Variants in RP1 observed in about 807,000 individuals in gnomAD.
RP1 encodes the protein oxygen-regulated protein 1.
RP1 carries 16 observed loss-of-function variants against 14.8 expected under a neutral mutation model. The ratio of observed to expected loss-of-function variants is 1.08; its 90% confidence interval spans 0.73 to 1.65. RP1 has a LOEUF of 1.65. Among genes scored for constraint, RP1 ranks in the 40% most tolerant of loss-of-function variants. The pLI, the probability that RP1 is intolerant of heterozygous loss-of-function variation, is 0.00. For missense variants in RP1, 2,631 were observed against 2,535.0 expected (o/e 1.04, Z -0.81); for synonymous variants, 876 against 883.6 (o/e 0.99, Z 0.15).
At chr8:54,750,908 G>A (rs1236300944) in intron 19 of RP1, among the ~76,000 whole-genome samples, 1 of 152,232 alleles carries the variant, frequency 6.6e-6, no homozygotes, top group Non-Finnish European at 1.5e-5. Context: ...AATGGAGCAT[G>A]GGAGGGGAAA....
At chr8:54,840,194 G>T (rs759713886) in intron 25 of RP1, among the ~76,000 whole-genome samples, 2 of 152,070 alleles carry the variant, frequency 1.3e-5, no homozygotes, top group African/African-American at 4.8e-5. Flanking sequence ...AGAAACAGAA[G>T]AACTCTGATG....
chr8:54,772,271 C>T (rs570310835), downstream of RP1, among the ~76,000 whole-genome samples: 1 of 152,152 alleles, frequency 6.6e-6, no homozygotes, highest in African/African-American at 2.4e-5. Flanking sequence ...TGAGTTTCTT[C>T]ATTGTTATCA....
intron 16 of RP1, among the ~76,000 whole-genome samples, chr8:54,725,658 T>A (rs1350696514): frequency 6.6e-6 from 1 of 152,214 alleles, no homozygotes; most frequent in African/African-American, 2.4e-5. Flanking sequence ...ATTTACATAA[T>A]TTTTTGTTGC....
chr8:54,762,398 C>T (rs1051883464), intron 22 of RP1, among the ~76,000 whole-genome samples: 40 of 152,290 alleles, frequency 2.6e-4, no homozygotes, highest in African/African-American at 9.1e-4. Context: ...TGCGCATCCT[C>T]CTTTCCTTTT....
intron 1 of RP1, among the ~76,000 whole-genome samples, chr8:54,596,154 C>T (rs1482552167): frequency 6.6e-6 from 1 of 152,152 alleles, no homozygotes; most frequent in African/African-American, 2.4e-5. Context: ...CTTTTTCATT[C>T]TTGTCCTATG....
chr8:54,823,327 T>C (rs556166704), intron 24 of RP1, among the ~76,000 whole-genome samples: 1 of 152,248 alleles, frequency 6.6e-6, no homozygotes, highest in Admixed American at 6.5e-5. Context: ...GGCAGTCTTG[T>C]TTTCTTCTTT....
chr8:54,686,299 C>T (rs1807561807), intron 12 of RP1, among the ~76,000 whole-genome samples: 1 of 151,948 alleles, frequency 6.6e-6, no homozygotes, highest in African/African-American at 2.4e-5. Context: ...TTTTGATGAA[C>T]AATGCTGACC....
chr8:54,561,361 T>C (rs1416850596), intron 1 of RP1, among the ~76,000 whole-genome samples: 1 of 152,234 alleles, frequency 6.6e-6, no homozygotes, highest in Non-Finnish European at 1.5e-5. Context: ...ACAAAGTGGT[T>C]GTTTAAATTA....
intron 24 of RP1, among the ~76,000 whole-genome samples, chr8:54,817,022 G>A (rs1811148661): frequency 6.6e-6 from 1 of 151,924 alleles, no homozygotes; most frequent in Non-Finnish European, 1.5e-5. Context: ...TACTTTCTTG[G>A]AGAGCCTTTC....
At chr8:54,586,125 G>T (rs944130731) in intron 1 of RP1, among the ~76,000 whole-genome samples, 1 of 152,158 alleles carries the variant, frequency 6.6e-6, no homozygotes, top group Admixed American at 6.5e-5. Context: ...CATCTTTGTG[G>T]TTTTATCTAC....
intron 1 of RP1, among the ~76,000 whole-genome samples, chr8:54,563,844 C>T (rs551103880): frequency 4.6e-5 from 7 of 152,130 alleles, no homozygotes; most frequent in African/African-American, 1.2e-4. Flanking sequence ...CCACCACGCC[C>T]GGCCTACTAT....
chr8:54,601,495 C>T (rs142905156), intron 1 of RP1, among the ~76,000 whole-genome samples: 3,021 of 149,998 alleles, frequency 0.02, 105 homozygotes, highest in African/African-American at 0.066. Flanking sequence ...GTGGGTGCAG[C>T]GCACCAGCAT....
intron 28 of RP1, among the ~76,000 whole-genome samples, chr8:54,869,570 A>G (rs1276902055): frequency 6.6e-6 from 1 of 152,230 alleles, no homozygotes; most frequent in African/African-American, 2.4e-5. Context: ...TGACTATGTT[A>G]GAATATTTGT....
At chr8:54,689,749 A>C (rs1003520131) in intron 12 of RP1, among the ~76,000 whole-genome samples, 1 of 152,052 alleles carries the variant, frequency 6.6e-6, no homozygotes, top group African/African-American at 2.4e-5. Flanking sequence ...TAACTAGTTA[A>C]TGGGGCTGTA....
intron 18 of RP1, among the ~76,000 whole-genome samples, chr8:54,735,908 T>C (rs753655022): frequency 3.3e-5 from 5 of 152,136 alleles, no homozygotes; most frequent in Non-Finnish European, 7.4e-5. Flanking sequence ...TTACTTAGGG[T>C]CAAATCTTGG....
chr8:54,731,196 C>G lies in RP1; in HGVS notation c.2522-3349C>G, dbSNP rs1359476453. 2.0e-5 allele frequency among the ~76,000 whole-genome samples: 3 copies of G among 152,100 alleles called. No homozygotes were observed. In the East Asian group the frequency reaches 5.8e-4, roughly 29 times the overall value. The stretch of plus-strand genomic sequence containing the variant: ...AGTAATTTATTTTTTTCCACTAGAG[C>G]TTCAGTGGACTAGCAGCAACACAAA... On this transcript the variant is annotated intron_variant, in intron 17 of 22. Transcript: ENST00000636932.
At chr8:54,777,296 A>G (rs1268177658) in intron 23 of RP1, among the ~76,000 whole-genome samples, 1 of 152,208 alleles carries the variant, frequency 6.6e-6, no homozygotes, top group Non-Finnish European at 1.5e-5. Context: ...TACAGCAAGC[A>G]CTTCCCACCC....
At chr8:54,754,525 C>A (rs1809452547) in intron 19 of RP1, among the ~76,000 whole-genome samples, 1 of 152,012 alleles carries the variant, frequency 6.6e-6, no homozygotes, top group Non-Finnish European at 1.5e-5. Flanking sequence ...ATAAAAATTG[C>A]CTAATAAACA....
At chr8:54,589,846 G>T (rs1353332773) in intron 1 of RP1, among the ~76,000 whole-genome samples, 2 of 152,106 alleles carry the variant, frequency 1.3e-5, no homozygotes, top group Non-Finnish European at 2.9e-5. Context: ...CACTGGAATG[G>T]ACTTAAAATG....
Sources: allele counts gnomAD v4.1 joint callset (sites outside exome capture counted in the v4.1 genomes callset), GRCh38; gene constraint gnomAD v4.1.1; transcripts MANE v1.5; gene names NCBI Gene and HGNC (gene_info 2026-07-23, HGNC 2026-07-21).